Variants in RTN4RL1 observed in about 807,000 individuals in gnomAD.
The protein encoded by RTN4RL1 is reticulon 4 receptor like 1, also known as reticulon-4 receptor-like 1.
In RTN4RL1, 7 loss-of-function variants were observed where a neutral mutation model predicts 25.6. The observed-to-expected ratio is 0.27, with a 90% confidence interval of 0.16 to 0.51. The LOEUF is 0.51. Among genes scored for constraint, RTN4RL1 ranks in the 20% least tolerant of loss-of-function variants. The pLI is 0.97. For synonymous variants in RTN4RL1, 297 were observed against 288.2 expected, an observed-to-expected ratio of 1.03 and a Z score of -0.31; for missense variants, 500 against 615.6, an observed-to-expected ratio of 0.81 and a Z score of 1.99.
chr17:2,015,148 C>T (rs1420403232), intron 1 of RTN4RL1, among the ~76,000 whole-genome samples: 1 of 151,900 alleles, frequency 6.6e-6, no homozygotes. Flanking sequence ...CAGGCAGTGG[C>T]GGAGGAGGTG....
chr17:1,965,926 G>C (rs2066789175), intron 1 of RTN4RL1, among the ~76,000 whole-genome samples: 1 of 152,040 alleles, frequency 6.6e-6, no homozygotes, highest in African/African-American at 2.4e-5. Flanking sequence ...CTCTTTCCCT[G>C]CTTCAAAGCC....
At chr17:2,020,411 A>G (rs1312284768) in intron 1 of RTN4RL1, 1 of 152,134 alleles carries the variant, frequency 6.6e-6, no homozygotes, top group Non-Finnish European at 1.5e-5. Context: ...CCACATCTGG[A>G]CACTTGAAGA....
chr17:1,951,349 G>A (rs1239004565), intron 1 of RTN4RL1, among the ~76,000 whole-genome samples: 1 of 152,174 alleles, frequency 6.6e-6, no homozygotes, highest in Non-Finnish European at 1.5e-5. Flanking sequence ...TTTTGTGGAG[G>A]GGAAAGGAGG....
At chr17:1,985,237 T>A (rs1044963086) in intron 1 of RTN4RL1, among the ~76,000 whole-genome samples, 2 of 152,226 alleles carry the variant, frequency 1.3e-5, no homozygotes, top group African/African-American at 4.8e-5. Context: ...ACAAAGGTGT[T>A]CACTCCCTGA....
chr17:1,986,268 C>G (rs9903341), intron 1 of RTN4RL1, among the ~76,000 whole-genome samples: 10 of 152,060 alleles, frequency 6.6e-5, no homozygotes, highest in Admixed American at 5.2e-4. Context: ...CATGACCACC[C>G]GATGAAGTAG....
chr17:1,996,508 G>T (rs971842548), intron 1 of RTN4RL1, among the ~76,000 whole-genome samples: 5 of 150,864 alleles, frequency 3.3e-5, no homozygotes. Context: ...AGATCCTTGT[G>T]ACCCCCCTCT....
chr17:1,978,791 T>C (rs573528010), intron 1 of RTN4RL1, among the ~76,000 whole-genome samples: 1 of 152,214 alleles, frequency 6.6e-6, no homozygotes, highest in East Asian at 1.9e-4. Flanking sequence ...AGTCCCAGAG[T>C]TGCTGCAGAG....
At chr17:1,992,971 G>A (rs758538354) in intron 1 of RTN4RL1, among the ~76,000 whole-genome samples, 3 of 152,156 alleles carry the variant, frequency 2.0e-5, no homozygotes, top group Non-Finnish European at 2.9e-5. Context: ...GGCCGGGCGC[G>A]GTGGCTCCCA....
chr17:1,961,773 CAAAAAA>C (rs1163170575), intron 1 of RTN4RL1, among the ~76,000 whole-genome samples: 14 of 55,596 alleles, frequency 2.5e-4, no homozygotes, highest in East Asian at 5.3e-4. Context: ...ACTAAAAATA[CAAAAAA>C]AAAAAAAAAA....
chr17:1,972,954 C>T (rs1159061286), intron 1 of RTN4RL1, among the ~76,000 whole-genome samples: 1 of 152,222 alleles, frequency 6.6e-6, no homozygotes, highest in Non-Finnish European at 1.5e-5. Context: ...CAGAGTCCGA[C>T]CCCCACCTGC....
At chr17:1,944,039 C>T (rs1915489942) in intron 1 of RTN4RL1, among the ~76,000 whole-genome samples, 1 of 152,098 alleles carries the variant, frequency 6.6e-6, no homozygotes, top group African/African-American at 2.4e-5. Context: ...GATCCTCCCA[C>T]CTCAGCCTCC....
At chr17:2,023,121 C>T (rs1436246370) in intron 1 of RTN4RL1, among the ~76,000 whole-genome samples, 1 of 152,216 alleles carries the variant, frequency 6.6e-6, no homozygotes, top group African/African-American at 2.4e-5. Context: ...GATGTCAGTT[C>T]CTCTCCATTA....
chr17:2,011,182 CGGA>C (rs2067045116), intron 1 of RTN4RL1, among the ~76,000 whole-genome samples: 1 of 152,090 alleles, frequency 6.6e-6, no homozygotes, highest in Non-Finnish European at 1.5e-5. Flanking sequence ...ACCTGGGAGG[CGGA>C]GGTTGCTGTG....
chr17:1,964,395 C>A (rs2066779654), intron 1 of RTN4RL1, among the ~76,000 whole-genome samples: 1 of 152,112 alleles, frequency 6.6e-6, no homozygotes, highest in South Asian at 2.1e-4. Flanking sequence ...CGAGACCAGC[C>A]TGGGCAACAT....
At chr17:1,966,142 T>C (rs2066790186) in intron 1 of RTN4RL1, among the ~76,000 whole-genome samples, 1 of 152,098 alleles carries the variant, frequency 6.6e-6, no homozygotes, top group South Asian at 2.1e-4. Context: ...AGGAGACAGA[T>C]GGAATTTTCC....
chr17:1,941,699 C>T (rs775729883), intron 1 of RTN4RL1, among the ~76,000 whole-genome samples: 14 of 152,170 alleles, frequency 9.2e-5, no homozygotes, highest in Admixed American at 9.2e-4. Flanking sequence ...CTTCCAGGCA[C>T]CCCTGCCCCT....
intron 1 of RTN4RL1, among the ~76,000 whole-genome samples, chr17:1,976,622 G>A (rs769378794): frequency 5.3e-5 from 8 of 152,158 alleles, no homozygotes; most frequent in Non-Finnish European, 1.0e-4. Flanking sequence ...TTGGGAGGCC[G>A]TGCAGTTTAT....
At chr17:1,990,715 ACTG>A (rs1334818460) in intron 1 of RTN4RL1, among the ~76,000 whole-genome samples, 1 of 152,156 alleles carries the variant, frequency 6.6e-6, no homozygotes, top group East Asian at 1.9e-4. Context: ...AACAAAACTT[ACTG>A]TAATACAATC....
At chr17:1,938,246 G>A (rs1250775261) in intron 1 of RTN4RL1, among the ~76,000 whole-genome samples, 2 of 152,140 alleles carry the variant, frequency 1.3e-5, no homozygotes, top group Non-Finnish European at 2.9e-5. Flanking sequence ...CTCTAATGTA[G>A]TAAATATCTC....
Sources: allele counts gnomAD v4.1 joint callset (sites outside exome capture counted in the v4.1 genomes callset), GRCh38; gene constraint gnomAD v4.1.1; transcripts MANE v1.5; gene names NCBI Gene and HGNC (gene_info 2026-07-23, HGNC 2026-07-21).